The following DLG2 variants were observed in gnomAD, a reference collection of about 807,000 sequenced individuals.
DLG2 encodes the protein disks large homolog 2.
In DLG2, 45 loss-of-function variants were observed where a neutral mutation model predicts 132.5. The ratio of observed to expected loss-of-function variants is 0.34; its 90% CI spans 0.27 to 0.44. The LOEUF (loss-of-function observed/expected upper bound fraction) is 0.44, where lower values mean the gene tolerates loss of function less well. Ranked by LOEUF, DLG2 falls within the 20% of genes least tolerant of loss-of-function variation. The pLI is 1.00. For synonymous variants in DLG2, 424 were observed against 419.6 expected (o/e 1.01, Z -0.13); for missense variants, 1,045 against 1,196.9 (o/e 0.87, Z 1.87).
At chr11:84,893,243 G>T (rs1943718) in intron 6 of DLG2, among the ~76,000 whole-genome samples, 14,696 of 152,130 alleles carry the variant, frequency 0.097, 937 homozygotes, top group African/African-American at 0.18. Context: ...GTGCCCATCT[G>T]GTGCCTAAGC....
At chr11:83,917,020 G>T (rs1452979978) in intron 15 of DLG2, among the ~76,000 whole-genome samples, 1 of 152,126 alleles carries the variant, frequency 6.6e-6, no homozygotes, top group Non-Finnish European at 1.5e-5. Flanking sequence ...AGCATTATAT[G>T]ATTTAATAAT....
At chr11:84,421,899 G>A (rs891015788) in intron 7 of DLG2, among the ~76,000 whole-genome samples, 1 of 152,170 alleles carries the variant, frequency 6.6e-6, no homozygotes, top group Non-Finnish European at 1.5e-5. Flanking sequence ...CTTATGTTAA[G>A]TATTTTCGAG....
At chr11:84,977,032 TACCC>T (rs755141948) in intron 6 of DLG2, among the ~76,000 whole-genome samples, 194 of 152,254 alleles carry the variant, frequency 1.3e-3, no homozygotes, top group Middle Eastern at 3.4e-3. Flanking sequence ...ATTGCTTGCT[TACCC>T]ATCACCTGTG....
intron 7 of DLG2, among the ~76,000 whole-genome samples, chr11:84,325,610 A>G (rs1259022387): frequency 6.6e-6 from 1 of 152,162 alleles, no homozygotes; most frequent in Non-Finnish European, 1.5e-5. Flanking sequence ...CCATTTGGCC[A>G]TGGTATATGA....
At chr11:84,214,239 G>C (rs1228818975) in intron 8 of DLG2, among the ~76,000 whole-genome samples, 1 of 134,388 alleles carries the variant, frequency 7.4e-6, no homozygotes, top group African/African-American at 3.4e-5. Flanking sequence ...ACATATATAT[G>C]AATATATATA....
At chr11:85,170,843 T>C (rs1253704214) in intron 4 of DLG2, among the ~76,000 whole-genome samples, 13 of 152,028 alleles carry the variant, frequency 8.6e-5, no homozygotes, top group Admixed American at 8.5e-4. Context: ...TTGTGCTGTG[T>C]GCTGAAGAGG....
chr11:84,435,325 A>G (rs1218655805), intron 7 of DLG2, among the ~76,000 whole-genome samples: 3 of 152,222 alleles, frequency 2.0e-5, no homozygotes, highest in African/African-American at 7.2e-5. Context: ...GGTATACAAA[A>G]TAAATGAACT....
At chr11:84,031,003 T>C (rs897033931) in intron 11 of DLG2, among the ~76,000 whole-genome samples, 1 of 152,076 alleles carries the variant, frequency 6.6e-6, no homozygotes, top group Non-Finnish European at 1.5e-5. Context: ...CAGAAAACCA[T>C]AGTTTTGTCA....
Position 84,076,369 on chromosome 11 carries a change from T to C in DLG2, c.750-16885A>G, listed in dbSNP as rs1374587237. On this transcript the variant is annotated intron_variant, in intron 10 of 27. Transcript: ENST00000376104. ...AGCTGCAGGAGGCTCTGGTAATAAC[T>C]TCTGTCTATCTAGCGCTCACTATTT... is the stretch of plus-strand genomic sequence containing the variant. 3.3e-5 allele frequency among the ~76,000 whole-genome samples: 5 copies of C among 152,202 alleles called. No individual in the cohort carries two copies. The East Asian group carries it at 9.6e-4, about 29-fold the overall frequency.
chr11:85,049,215 T>C (rs1451178646), intron 6 of DLG2, among the ~76,000 whole-genome samples: 1 of 152,006 alleles, frequency 6.6e-6, no homozygotes, highest in African/African-American at 2.4e-5. Flanking sequence ...AGTTAAATTA[T>C]TTCCAGTCTC....
chr11:84,006,083 C>T lies in DLG2; in HGVS notation c.920-25441G>A, dbSNP rs2094558941. 2.0e-5 allele frequency among the ~76,000 whole-genome samples: 3 copies of T among 151,734 alleles called. No individual in the cohort carries two copies. In the South Asian group the frequency reaches 6.2e-4, roughly 31 times the overall value. ...AAAGACATGAAATCAATCTAAGTATCCATCAATGAATAAATGGATGAAGAG... is the reference window on the plus strand; with the variant it reads ...AAAGACATGAAATCAATCTAAGTATTCATCAATGAATAAATGGATGAAGAG... On this transcript the variant is annotated intron_variant, in intron 11 of 27. Coordinates refer to ENST00000376104, the MANE Select transcript of DLG2 (RefSeq NM_001142699.3).
At chr11:84,995,193 A>G (rs550536174) in intron 6 of DLG2, among the ~76,000 whole-genome samples, 2 of 152,342 alleles carry the variant, frequency 1.3e-5, no homozygotes, top group South Asian at 2.1e-4. Flanking sequence ...TAAGGCCAGT[A>G]TCTTACGGTA....
intron 6 of DLG2, among the ~76,000 whole-genome samples, chr11:84,536,345 C>T (rs543385934): frequency 4.4e-4 from 67 of 152,142 alleles, no homozygotes; most frequent in African/African-American, 1.5e-3. Flanking sequence ...TTTCAGTTAT[C>T]ATCAGCCTCT....
intron 6 of DLG2, among the ~76,000 whole-genome samples, chr11:84,846,615 G>A (rs949123236): frequency 6.6e-6 from 1 of 152,108 alleles, no homozygotes; most frequent in South Asian, 2.1e-4. Context: ...AAGTTATAAC[G>A]TGTGGTAGCT....
intron 20 of DLG2, among the ~76,000 whole-genome samples, chr11:83,535,212 C>G (rs1253375802): frequency 6.6e-6 from 1 of 152,214 alleles, no homozygotes. Flanking sequence ...ACAGCCCTAA[C>G]TTTATTTCAG....
intron 6 of DLG2, among the ~76,000 whole-genome samples, chr11:84,550,839 A>C (rs2099400378): frequency 6.6e-6 from 1 of 152,160 alleles, no homozygotes; most frequent in Admixed American, 6.5e-5. Flanking sequence ...AAAAGCAAAA[A>C]TCTGTGACTC....
chr11:84,477,920 TTTATGTGTA>T (rs946239933), intron 7 of DLG2, among the ~76,000 whole-genome samples: 1 of 152,168 alleles, frequency 6.6e-6, no homozygotes, highest in Non-Finnish European at 1.5e-5. Context: ...CAGGTACAAT[TTTATGTGTA>T]TTACATGTAT....
chr11:84,490,442 T>C (rs532510660), intron 7 of DLG2, among the ~76,000 whole-genome samples: 182 of 152,188 alleles, frequency 1.2e-3, no homozygotes, highest in African/African-American at 4.2e-3. Context: ...GCAGGGCTGA[T>C]TGAACAATAT....
chr11:83,499,889 AT>A lies in DLG2; in HGVS notation c.2194-15662del, dbSNP rs1277679890. ...TATATATATATATATATATATATAT[AT>A]ATATATATCAGTTCTGTCCCTCCAG... On this transcript the variant is annotated intron_variant, in intron 21 of 27. Transcript: ENST00000376104. 1.4e-3 allele frequency among the ~76,000 whole-genome samples: 149 copies of A among 108,656 alleles called. 2 individuals carry two copies. Among genetic ancestry groups the A allele is most frequent in the Non-Finnish European group, 2.0e-3 (106 of 53,952 alleles). 71.3% of individuals were successfully genotyped at this position (108,656 alleles called of 152,430 possible). A position where few individuals can be genotyped will look rare whatever the true frequency, so the allele number is the denominator to read the frequency against.
Sources: gnomAD v4.1 joint callset for allele counts (sites outside exome capture counted in the v4.1 genomes callset) on GRCh38, gnomAD v4.1.1 for gene constraint, MANE v1.5 for transcripts, NCBI Gene and HGNC (gene_info 2026-07-23, HGNC 2026-07-21) for gene names.